The following KCNN2 variants were observed in gnomAD, a reference collection of about 807,000 sequenced individuals.
KCNN2 encodes the protein potassium calcium-activated channel subfamily N member 2, also known as small conductance calcium-activated potassium channel protein 2.
In KCNN2, 24 loss-of-function variants were observed where a neutral mutation model predicts 55.5. The observed-to-expected ratio is 0.43, with a 90% CI of 0.31 to 0.61. The LOEUF (loss-of-function observed/expected upper bound fraction) is 0.61. Ranked by LOEUF, KCNN2 falls within the 20% of genes least tolerant of loss-of-function variation. KCNN2 has a pLI of 0.08. For synonymous variants in KCNN2, 431 were observed against 336.1 expected, an observed-to-expected ratio of 1.28 and a Z score of -3.09; for missense variants, 754 against 853.6, an observed-to-expected ratio of 0.88 and a Z score of 1.45.
At chr5:114,261,810 G>A (rs937294856) in intron 2 of KCNN2, among the ~76,000 whole-genome samples, 1 of 152,170 alleles carries the variant, frequency 6.6e-6, no homozygotes, top group Non-Finnish European at 1.5e-5. Context: ...AGACTGGCAG[G>A]CTAAGGCTGG....
At chr5:114,446,873 G>A (rs1461175083) in intron 3 of KCNN2, among the ~76,000 whole-genome samples, 2 of 152,164 alleles carry the variant, frequency 1.3e-5, no homozygotes, top group Non-Finnish European at 2.9e-5. Context: ...CTGCGCTCCA[G>A]ACTGGGTGAC....
intron 1 of KCNN2, among the ~76,000 whole-genome samples, chr5:114,191,390 A>C (rs984912938): frequency 6.6e-6 from 1 of 152,186 alleles, no homozygotes; most frequent in Non-Finnish European, 1.5e-5. Context: ...AAAATTATTT[A>C]TGTAACTCTT....
chr5:114,247,194 T>C (rs1754764135), intron 2 of KCNN2, among the ~76,000 whole-genome samples: 1 of 105,390 alleles, frequency 9.5e-6, no homozygotes, highest in Admixed American at 1.1e-4. Context: ...CATGGTACCA[T>C]ATGTCTCCAA....
intron 2 of KCNN2, among the ~76,000 whole-genome samples, chr5:114,338,133 A>G (rs1285209647): frequency 6.6e-6 from 1 of 152,182 alleles, no homozygotes; most frequent in East Asian, 1.9e-4. Flanking sequence ...GTGCTTTAAC[A>G]TCTATATTTT....
At chr5:114,183,851 T>A (rs1448305392) in intron 1 of KCNN2, among the ~76,000 whole-genome samples, 1 of 152,066 alleles carries the variant, frequency 6.6e-6, no homozygotes, top group Non-Finnish European at 1.5e-5. Context: ...TTTTATTATT[T>A]TTTTCTGATT....
intron 3 of KCNN2, among the ~76,000 whole-genome samples, chr5:114,460,716 T>C (rs981300444): frequency 2.6e-5 from 4 of 152,196 alleles, no homozygotes; most frequent in African/African-American, 9.6e-5. Flanking sequence ...CAGCCAAAGA[T>C]TGTCCATGCA....
At chr5:114,190,190 A>G (rs1753422362) in intron 1 of KCNN2, among the ~76,000 whole-genome samples, 1 of 151,974 alleles carries the variant, frequency 6.6e-6, no homozygotes, top group Non-Finnish European at 1.5e-5. Flanking sequence ...TCCTCACAAA[A>G]CAAGCTGAAG....
chr5:114,421,594 C>A, intron 3 of KCNN2, among the ~76,000 whole-genome samples: 1 of 151,852 alleles, frequency 6.6e-6, no homozygotes, highest in East Asian at 1.9e-4. Context: ...CTACAACCTC[C>A]CCAGCATCTG....
At chr5:114,333,804 A>G (rs758854986) in intron 2 of KCNN2, among the ~76,000 whole-genome samples, 2 of 152,218 alleles carry the variant, frequency 1.3e-5, no homozygotes, top group Non-Finnish European at 2.9e-5. Flanking sequence ...AATGTTTTTA[A>G]TAGACAAAAG....
intron 1 of KCNN2, among the ~76,000 whole-genome samples, chr5:114,077,289 A>G (rs1270183914): frequency 2.0e-5 from 3 of 152,258 alleles, no homozygotes; most frequent in Non-Finnish European, 4.4e-5. Flanking sequence ...GCATTAGCTC[A>G]CATACTGCAT....
At chr5:114,134,491 A>G (rs937597439) in intron 1 of KCNN2, among the ~76,000 whole-genome samples, 88 of 149,460 alleles carry the variant, frequency 5.9e-4, no homozygotes, top group Admixed American at 3.1e-3. Flanking sequence ...TTATTTATTT[A>G]TTTATTTATT....
chr5:114,381,721 T>A (rs1035053782), intron 2 of KCNN2, among the ~76,000 whole-genome samples: 11 of 152,270 alleles, frequency 7.2e-5, no homozygotes, highest in African/African-American at 2.4e-4. Context: ...CTTCCTTTCC[T>A]GAGCAACATT....
At chr5:114,435,283 T>C (rs1383160741) in intron 3 of KCNN2, among the ~76,000 whole-genome samples, 2 of 152,184 alleles carry the variant, frequency 1.3e-5, no homozygotes, top group African/African-American at 4.8e-5. Context: ...TTGTTCCAAG[T>C]AAGCTGTGGG....
intron 1 of KCNN2, among the ~76,000 whole-genome samples, chr5:114,087,736 A>G (rs569814512): frequency 9.2e-5 from 14 of 151,900 alleles, no homozygotes; most frequent in African/African-American, 2.7e-4. Flanking sequence ...TAAATTTAGT[A>G]TTCCATTGTG....
chr5:114,471,443 AT>A (rs1487556078), intron 4 of KCNN2, among the ~76,000 whole-genome samples: 1 of 152,144 alleles, frequency 6.6e-6, no homozygotes, highest in Non-Finnish European at 1.5e-5. Context: ...GCAGCCATCC[AT>A]TTTTTTACTG....
chr5:114,273,542 C>T (rs1314529131), intron 2 of KCNN2, among the ~76,000 whole-genome samples: 1 of 152,126 alleles, frequency 6.6e-6, no homozygotes, highest in Non-Finnish European at 1.5e-5. Context: ...TAATGATTGC[C>T]ATTCTAACTG....
In KCNN2 at chr5:114,363,147, G is replaced by C. The variant is rs755702045; in HGVS notation, c.1008G>C (p.Arg336=). 14 of 1,613,414 alleles carry C rather than the reference G, an allele frequency of 8.7e-6. No homozygotes were observed. The highest frequency in any genetic ancestry group is 2.7e-5 in the African/African-American group (2 of 74,952). The change falls in exon 1 of 8, where the codon CGG becomes CGC. Residue 336 remains arginine, a synonymous_variant. Coordinates refer to ENST00000673685, the MANE Select transcript of KCNN2 (RefSeq NM_021614.4). The part of the protein sequence containing the change: ...NQNIGYKLGH[R]RALFEKRKRL... ...ACATCGGCTACAAGCTGGGCCACCGGCGCGCCCTGTTCGAAAAGCGCAAGC... is the reference window on the plus strand; with the variant it reads ...ACATCGGCTACAAGCTGGGCCACCGCCGCGCCCTGTTCGAAAAGCGCAAGC...
At chr5:114,325,705 G>A (rs1034958000) in intron 2 of KCNN2, among the ~76,000 whole-genome samples, 1 of 152,180 alleles carries the variant, frequency 6.6e-6, no homozygotes, top group Non-Finnish European at 1.5e-5. Context: ...TCACCATCTG[G>A]TGACTCCACA....
At chr5:114,250,083 T>C (rs907768130) in intron 2 of KCNN2, among the ~76,000 whole-genome samples, 2 of 152,184 alleles carry the variant, frequency 1.3e-5, no homozygotes, top group African/African-American at 4.8e-5. Flanking sequence ...AAGAGCCTGC[T>C]AAGAGCCTAG....
Sources: gnomAD v4.1 joint callset for allele counts (sites outside exome capture counted in the v4.1 genomes callset) on GRCh38, gnomAD v4.1.1 for gene constraint, MANE v1.5 for transcripts, NCBI Gene and HGNC (gene_info 2026-07-23, HGNC 2026-07-21) for gene names.